The following GBF1 variants were observed in gnomAD, a reference collection of about 807,000 sequenced individuals.
The protein encoded by GBF1 is Golgi-specific brefeldin A-resistance guanine nucleotide exchange factor 1.
In GBF1, 114 loss-of-function variants were observed where a neutral mutation model predicts 210.5. The ratio of observed to expected loss-of-function variants is 0.54; its 90% CI spans 0.47 to 0.63. The LOEUF (loss-of-function observed/expected upper bound fraction) is 0.63, where lower values mean the gene tolerates loss of function less well. Ranked by LOEUF, GBF1 falls within the 30% of genes least tolerant of loss-of-function variation. The probability of loss-of-function intolerance (pLI) is 0.00; values close to 1 mark genes in which losing one functional copy is unlikely to be tolerated. For missense variants in GBF1, 1,851 were observed against 2,357.7 expected, an observed-to-expected ratio of 0.79 and a Z score of 4.45; for synonymous variants, 850 against 889.2, an observed-to-expected ratio of 0.96 and a Z score of 0.78.
At chr10:102,329,952 T>A (rs942790666) in intron 3 of GBF1, among the ~76,000 whole-genome samples, 3 of 151,900 alleles carry the variant, frequency 2.0e-5, no homozygotes, top group African/African-American at 7.3e-5. Context: ...CTACAAAAAA[T>A]TTAAAAAATT....
the GBF1 span, among the ~76,000 whole-genome samples, chr10:102,235,170 C>T: frequency 1.4e-5 from 1 of 71,502 alleles, no homozygotes; most frequent in Non-Finnish European, 2.8e-5. Flanking sequence ...TACCCTTCCC[C>T]CACCCCCCAC....
chr10:102,236,468 T>A, the GBF1 span, among the ~76,000 whole-genome samples: 1 of 152,190 alleles, frequency 6.6e-6, no homozygotes, highest in African/African-American at 2.4e-5. Flanking sequence ...CCCACTGGTA[T>A]CAGGGTGGCA....
chr10:102,244,697 C>T (rs959194036), upstream of GBF1, among the ~76,000 whole-genome samples: 7 of 151,938 alleles, frequency 4.6e-5, no homozygotes, highest in Non-Finnish European at 8.8e-5. Context: ...AGTCAAAGCC[C>T]GATATACTAA....
At chr10:102,296,871 C>G (rs1433641725) in intron 3 of GBF1, among the ~76,000 whole-genome samples, 1 of 151,982 alleles carries the variant, frequency 6.6e-6, no homozygotes, top group Non-Finnish European at 1.5e-5. Context: ...TTAGTGAAAT[C>G]CCGTCTCTAC....
intron 2 of GBF1, 34 bp from the exon 3 acceptor site, chr10:102,260,016 A>G (rs2072981889): frequency 2.5e-6 from 3 of 1,223,372 alleles, no homozygotes; most frequent in African/African-American, 1.5e-5. Flanking sequence ...CTTTTGGCCC[A>G]ATAATGACTT....
rs145750924 is a variant in GBF1, at chr10:102,336,112, C to T, written c.164-7939C>T. Among the ~76,000 whole-genome samples, 131 of 151,882 alleles carry T rather than the reference C, an allele frequency of 8.6e-4. 1 individual carries two copies. The highest frequency in any genetic ancestry group is 1.3e-3 in the Non-Finnish European group (89 of 67,950). On this transcript the variant is annotated intron_variant, in intron 3 of 39. Transcript: ENST00000369983. ...GTCAGGAGATCAAAACCATCTTGGC[C>T]AACATGGTGAAATCCCATCTCTACT... is the stretch of plus-strand genomic sequence containing the variant.
At position 102,374,695 on chromosome 10, in the gene GBF1, A is replaced by C. The variant is rs117377864; in HGVS notation, c.3661-664A>C. On this transcript the variant is annotated intron_variant, in intron 29 of 39. Coordinates refer to ENST00000369983, the MANE Select transcript of GBF1 (RefSeq NM_001377137.1). ...AGGTAATAAAATTGTATAGAAATTA[A>C]TACACACAAAAATGCAAGTAAAACA... Among the ~76,000 whole-genome samples, 68 of 152,366 alleles carry C rather than the reference A, an allele frequency of 4.5e-4. No homozygotes were observed. In the East Asian group the frequency reaches 0.013, roughly 29 times the overall value.
intron 3 of GBF1, among the ~76,000 whole-genome samples, chr10:102,265,380 T>A (rs935345085): frequency 6.6e-6 from 1 of 152,150 alleles, no homozygotes; most frequent in African/African-American, 2.4e-5. Context: ...AGGAACAGTC[T>A]AAAAGTATCA....
chr10:102,278,213 A>T (rs914759473), intron 3 of GBF1, among the ~76,000 whole-genome samples: 5 of 152,022 alleles, frequency 3.3e-5, no homozygotes, highest in African/African-American at 1.2e-4. Context: ...AGCTATGATC[A>T]TGCCACTGCA....
rs761951283 is a variant in GBF1, at chr10:102,362,656, C to G, written c.1868C>G (p.Ala623Gly). Residue 623 changes from alanine (A) to glycine (G), a missense_variant, in exon 15 of 40, where the codon GCT (alanine) becomes GGT (glycine). By Grantham distance (60) the Ala-to-Gly change is moderately conservative. Around this residue, in one of 3 missense-constraint regions of GBF1, gnomAD observed 804 missense variants for 958.6 expected, o/e 0.84. Transcript: ENST00000369983. The stretch of plus-strand genomic sequence containing the variant: ...GAGATAGTAGATGGCACCCGAGAAG[C>G]TAGCAATAGTGAGAGGCATTTCTTT... ...SCEIVDGTRE[A>G]SNTERTASDG... The G allele has an allele frequency of 1.2e-6, 2 of 1,612,380 alleles. No homozygotes were observed. The highest frequency in any genetic ancestry group is 1.7e-6 in the Non-Finnish European group (2 of 1,178,362).
chr10:102,368,230 T>C lies in GBF1; in HGVS notation c.2655T>C (p.Ile885=), dbSNP rs139599944. Reference sequence around the variant, plus strand: ...TACCTCCTGACAGGAATGAGGAAATTGTAATGCCTGAGGAGCAGACAGGCT... The same window carrying C: ...TACCTCCTGACAGGAATGAGGAAATCGTAATGCCTGAGGAGCAGACAGGCT... ...DMYHAIKNEE[I]VMPEEQTGLV... is the part of the protein sequence containing the mutation. Residue 885 remains isoleucine (I), a synonymous_variant, in exon 22 of 40, where the codon ATT becomes ATC. Coordinates refer to ENST00000369983, the MANE Select transcript of GBF1 (RefSeq NM_001377137.1). 4.3e-6 allele frequency: 7 copies of C among 1,611,868 alleles called. No homozygotes were observed. Among genetic ancestry groups the C allele is most frequent in the Non-Finnish European group, 4.2e-6 (5 of 1,178,198 alleles).
At chr10:102,312,913 G>A (rs572689303) in intron 3 of GBF1, among the ~76,000 whole-genome samples, 3 of 152,220 alleles carry the variant, frequency 2.0e-5, no homozygotes, top group Non-Finnish European at 4.4e-5. Flanking sequence ...CTTGTCCTGT[G>A]GAAATCTGAG....
At chr10:102,353,949 GA>G (rs1257758910) in intron 8 of GBF1, among the ~76,000 whole-genome samples, 3 of 152,184 alleles carry the variant, frequency 2.0e-5, no homozygotes, top group Non-Finnish European at 4.4e-5. Flanking sequence ...TGACAAAGAT[GA>G]AAGTCCTGCC....
At chr10:102,379,799 C>G in intron 35 of GBF1, 54 bp from the exon 36 acceptor site, 1 of 1,513,300 alleles carries the variant, frequency 6.6e-7, no homozygotes. Context: ...TTCCTTGGGG[C>G]AAGGCTGCCT....
At chr10:102,265,666 C>A (rs1479609144) in intron 3 of GBF1, among the ~76,000 whole-genome samples, 1 of 152,106 alleles carries the variant, frequency 6.6e-6, no homozygotes, top group Non-Finnish European at 1.5e-5. Flanking sequence ...GCCTGAGTGA[C>A]AAGAGTGAGA....
At chr10:102,257,255 G>C (rs1317721768) in intron 1 of GBF1, among the ~76,000 whole-genome samples, 1 of 152,130 alleles carries the variant, frequency 6.6e-6, no homozygotes, top group Non-Finnish European at 1.5e-5. Context: ...CACTGTCACT[G>C]TCCAGTTTTC....
chr10:102,343,365 G>A (rs2058325136), intron 3 of GBF1, among the ~76,000 whole-genome samples: 1 of 152,126 alleles, frequency 6.6e-6, no homozygotes, highest in African/African-American at 2.4e-5. Flanking sequence ...CCAAGATGAC[G>A]TTACCTATTT....
intron 14 of GBF1, 138 bp downstream of exon 14, chr10:102,362,050 C>CTT (rs1164670758): frequency 0.012 from 1,460 of 124,468 alleles, 8 homozygotes; most frequent in South Asian, 0.016. Context: ...CTTTTCTTTT[C>CTT]TTTTTTTTTT....
the GBF1 span, among the ~76,000 whole-genome samples, chr10:102,239,629 A>G: frequency 5.3e-5 from 8 of 152,256 alleles, no homozygotes; most frequent in East Asian, 1.9e-4. Flanking sequence ...TGTCACTCAC[A>G]GGTGAAGGGT....
Sources: allele counts gnomAD v4.1 joint callset (sites outside exome capture counted in the v4.1 genomes callset), GRCh38; gene constraint gnomAD v4.1.1; regional missense constraint gnomAD v4.1.1; transcripts MANE v1.5; gene names NCBI Gene and HGNC (gene_info 2026-07-23, HGNC 2026-07-21).